EPHA6: variants seen among roughly 807,000 people sequenced by gnomAD.
EPHA6 encodes EPH receptor A6.
A neutral mutation model predicts 112.0 loss-of-function variants in EPHA6; 50 were observed. The observed-to-expected ratio is 0.45, with a 90% CI of 0.36 to 0.56. The LOEUF (loss-of-function observed/expected upper bound fraction) is 0.56. Ranked by LOEUF, EPHA6 falls within the 20% of genes least tolerant of loss-of-function variation. EPHA6 has a pLI of 0.00. For missense variants in EPHA6, 1,280 were observed against 1,417.4 expected (o/e 0.90, Z 1.56); for synonymous variants, 529 against 490.7 (o/e 1.08, Z -1.03).
chr3:97,080,297 G>A (rs1395272316), intron 3 of EPHA6, among the ~76,000 whole-genome samples: 1 of 152,126 alleles, frequency 6.6e-6, no homozygotes, highest in East Asian at 1.9e-4. Flanking sequence ...CAGTTTGGAA[G>A]TGTGGGGGAG....
chr3:97,010,096 C>T (rs1400574515), intron 3 of EPHA6: 2 of 1,277,764 alleles, frequency 1.6e-6, no homozygotes, highest in Non-Finnish European at 1.0e-6. Context: ...AAAAGAGTAG[C>T]ATTACTAAAA....
chr3:96,906,874 GT>G (rs1238186494), intron 2 of EPHA6, among the ~76,000 whole-genome samples: 2 of 151,908 alleles, frequency 1.3e-5, no homozygotes, highest in African/African-American at 4.8e-5. Flanking sequence ...GAGGACAAAG[GT>G]TTCTGTAAGG....
Position 97,749,185 on chromosome 3 carries a change from T to A in EPHA6, c.*484T>A, listed in dbSNP as rs1203918376. On this transcript the variant is annotated 3_prime_UTR_variant, in exon 18 of 18. Transcript: ENST00000389672. ...AGCTCTATTGGTTGTATTATTACTTTATTTTTTAATACTTTAACTGTTGGT... is the reference window on the plus strand; with the variant it reads ...AGCTCTATTGGTTGTATTATTACTTAATTTTTTAATACTTTAACTGTTGGT... 1 of 224,296 alleles carries A rather than the reference T, an allele frequency of 4.5e-6. No individual in the cohort carries two copies. Among genetic ancestry groups the A allele is most frequent in the African/African-American group, 2.2e-5 (1 of 44,822 alleles). The allele number at this position is 224,296 out of a possible 1,614,324, so 13.9% of individuals were successfully genotyped here. A position where few individuals can be genotyped will look rare whatever the true frequency, so the allele number is the denominator to read the frequency against.
chr3:97,682,193 C>A (rs1260047436), intron 14 of EPHA6, among the ~76,000 whole-genome samples: 1 of 151,994 alleles, frequency 6.6e-6, no homozygotes, highest in Non-Finnish European at 1.5e-5. Flanking sequence ...CTTGGATCAC[C>A]TGTTAAGCTA....
intron 3 of EPHA6, among the ~76,000 whole-genome samples, chr3:97,096,169 T>C (rs1180921659): frequency 1.3e-5 from 2 of 151,796 alleles, no homozygotes; most frequent in African/African-American, 4.8e-5. Flanking sequence ...TTTATACGTA[T>C]CCACATATAT....
intron 3 of EPHA6, among the ~76,000 whole-genome samples, chr3:97,093,916 T>C (rs1242966568): frequency 6.6e-6 from 1 of 152,088 alleles, no homozygotes; most frequent in Non-Finnish European, 1.5e-5. Flanking sequence ...CAGGGAGAAA[T>C]TTCAATTCTG....
At position 97,720,913 on chromosome 3, in the gene EPHA6, T is replaced by C. The variant is rs148989133; in HGVS notation, c.2934+503T>C. Among the ~76,000 whole-genome samples the C allele has an allele frequency of 3.9e-5, 6 of 152,336 alleles. No homozygotes were observed. The East Asian group carries it at 1.2e-3, about 29-fold the overall frequency. On this transcript the variant is annotated intron_variant, in intron 15 of 17. Coordinates refer to ENST00000389672, the MANE Select transcript of EPHA6 (RefSeq NM_001080448.3). ...AATGCAAACTGTTTTGTTTCTATTT[T>C]ATCTATAAAACTACCTTGGTGGTTG...
At chr3:97,171,998 G>A (rs1161155061) in intron 3 of EPHA6, among the ~76,000 whole-genome samples, 2 of 152,084 alleles carry the variant, frequency 1.3e-5, no homozygotes, top group Non-Finnish European at 2.9e-5. Flanking sequence ...CTGAGGTAGA[G>A]TATTGAGAAA....
chr3:97,274,357 G>C (rs939757926), intron 5 of EPHA6, among the ~76,000 whole-genome samples: 5 of 152,208 alleles, frequency 3.3e-5, no homozygotes, highest in Admixed American at 1.3e-4. Flanking sequence ...CTAGAGCAAA[G>C]GGATCTGATG....
At chr3:97,493,840 T>A (rs968049353) in intron 10 of EPHA6, among the ~76,000 whole-genome samples, 1 of 152,184 alleles carries the variant, frequency 6.6e-6, no homozygotes, top group African/African-American at 2.4e-5. Context: ...GCAAACTATC[T>A]CGTGGTTACC....
At chr3:97,164,776 G>A (rs1279965701) in intron 3 of EPHA6, among the ~76,000 whole-genome samples, 1 of 151,800 alleles carries the variant, frequency 6.6e-6, no homozygotes, top group Non-Finnish European at 1.5e-5. Flanking sequence ...CCAATTAATT[G>A]TCAGCTTTTA....
At chr3:97,129,814 A>T (rs2048289017) in intron 3 of EPHA6, among the ~76,000 whole-genome samples, 1 of 152,154 alleles carries the variant, frequency 6.6e-6, no homozygotes, top group Admixed American at 6.5e-5. Context: ...ACCTATCAGG[A>T]TTTCCACAGA....
At chr3:97,504,960 C>G (rs1372315645) in intron 10 of EPHA6, among the ~76,000 whole-genome samples, 1 of 151,736 alleles carries the variant, frequency 6.6e-6, no homozygotes, top group Non-Finnish European at 1.5e-5. Flanking sequence ...TATAAACCTG[C>G]TTTTTAAAAA....
intron 3 of EPHA6, among the ~76,000 whole-genome samples, chr3:97,064,966 A>G (rs2046132666): frequency 6.6e-6 from 1 of 152,174 alleles, no homozygotes; most frequent in African/African-American, 2.4e-5. Context: ...ATGGTTGTTT[A>G]CTGCTCTAAC....
intron 2 of EPHA6, among the ~76,000 whole-genome samples, chr3:96,884,689 CT>C (rs2037520232): frequency 6.6e-6 from 1 of 152,102 alleles, no homozygotes; most frequent in African/African-American, 2.4e-5. Flanking sequence ...TTCACTTCTT[CT>C]TTACCGATTT....
At chr3:97,723,006 T>A (rs773948071) in intron 15 of EPHA6, among the ~76,000 whole-genome samples, 1 of 152,188 alleles carries the variant, frequency 6.6e-6, no homozygotes, top group African/African-American at 2.4e-5. Flanking sequence ...AGGGGTGAGA[T>A]GATTTTTAAT....
intron 13 of EPHA6, among the ~76,000 whole-genome samples, chr3:97,626,690 T>C (rs567336245): frequency 4.7e-4 from 72 of 151,956 alleles, no homozygotes; most frequent in African/African-American, 1.7e-3. Flanking sequence ...AGTAGGGTAC[T>C]GGCAGTAGTG....
chr3:97,031,444 A>G (rs1015264712), intron 3 of EPHA6, among the ~76,000 whole-genome samples: 34 of 152,140 alleles, frequency 2.2e-4, no homozygotes, highest in Non-Finnish European at 4.6e-4. Context: ...AAATTGACAA[A>G]TGGGATCTAA....
At chr3:97,554,312 A>G (rs1005232361) in intron 11 of EPHA6, among the ~76,000 whole-genome samples, 1 of 152,152 alleles carries the variant, frequency 6.6e-6, no homozygotes, top group Non-Finnish European at 1.5e-5. Flanking sequence ...AATAATTCAG[A>G]GATGGACTTC....
Sources: allele counts gnomAD v4.1 joint callset (sites outside exome capture counted in the v4.1 genomes callset), GRCh38; gene constraint gnomAD v4.1.1; transcripts MANE v1.5; gene names NCBI Gene and HGNC (gene_info 2026-07-23, HGNC 2026-07-21).